Variants in XKR9 observed in about 807,000 individuals in gnomAD.
XKR9 encodes the protein XK-related protein 9.
Under a neutral mutation model 32.0 loss-of-function variants are expected in XKR9, and 32 were observed. That is an observed-to-expected ratio of 1.00 (90% CI 0.76 to 1.34). The LOEUF (loss-of-function observed/expected upper bound fraction) is 1.34, where lower values mean the gene tolerates loss of function less well. Among genes scored for constraint, XKR9 ranks in the 40% most tolerant of loss-of-function variants. The pLI is 0.00. For synonymous variants in XKR9, 168 were observed against 143.4 expected (o/e 1.17, Z -1.22); for missense variants, 546 against 429.7 (o/e 1.27, Z -2.39).
In XKR9 at chr8:70,734,452, T is replaced by G; in HGVS notation, c.*28T>G. 6.8e-7 allele frequency: 1 copy of G among 1,469,172 alleles called. No homozygotes were observed. Among genetic ancestry groups the G allele is most frequent in the Non-Finnish European group, 8.9e-7 (1 of 1,121,236 alleles). 91.0% of individuals were successfully genotyped at this position (1,469,172 alleles called of 1,614,324 possible). A position where few individuals can be genotyped will look rare whatever the true frequency, so the allele number is the denominator to read the frequency against. ...TATTCATTTATGATATATATTTTCTTATATTTTGTTTCATTGGTTAGTAAA... is the reference window on the plus strand; with the variant it reads ...TATTCATTTATGATATATATTTTCTGATATTTTGTTTCATTGGTTAGTAAA... On this transcript the variant is annotated 3_prime_UTR_variant, in exon 5 of 5. Coordinates refer to ENST00000408926, the MANE Select transcript of XKR9 (RefSeq NM_001011720.2).
At chr8:70,804,312 A>G in the XKR9 span, among the ~76,000 whole-genome samples, 2 of 152,274 alleles carry the variant, frequency 1.3e-5, no homozygotes, top group Non-Finnish European at 1.5e-5. Flanking sequence ...GAGTTCACAG[A>G]GAAGTAAGAC....
At chr8:70,751,701 T>A (rs1324648437) in intron 2 of XKR9, among the ~76,000 whole-genome samples, 1 of 152,140 alleles carries the variant, frequency 6.6e-6, no homozygotes, top group Admixed American at 6.5e-5. Context: ...ACACCAGAAC[T>A]TCAAGTTCTC....
At position 70,764,058 on chromosome 8, in the gene XKR9, G is replaced by A. The variant is rs546669347; in HGVS notation, n.353-25281G>A. 2.6e-5 allele frequency among the ~76,000 whole-genome samples: 4 copies of A among 152,330 alleles called. No homozygotes were observed. The East Asian group carries it at 7.7e-4, about 29-fold the overall frequency. ...TACTGCAGATAGTTTTGAGTCTATA[G>A]CCTTATTGATGAGCTCTCCTTGCTT... On this transcript the variant is annotated intron_variant and non_coding_transcript_variant, in intron 2 of 3. Coordinates refer to the XKR9 transcript ENST00000520273.
Position 70,733,837 on chromosome 8 carries a change from A to G in XKR9, c.535A>G (p.Thr179Ala). ...CTCTTGCTGTGCTATTTCTTGGTCAACTGTTGATTATCAAGTAGCTTTAAG... is the reference window on the plus strand; with the variant it reads ...CTCTTGCTGTGCTATTTCTTGGTCAGCTGTTGATTATCAAGTAGCTTTAAG... The part of the protein sequence containing the change: ...MVSCCAISWS[T>A]VDYQVALRKS... Residue 179 changes from threonine (T) to alanine (A), a missense_variant, in exon 5 of 5, where the codon ACT (threonine) becomes GCT (alanine). By Grantham distance (58) the Thr-to-Ala change is moderately conservative. Coordinates refer to ENST00000408926, the MANE Select transcript of XKR9 (RefSeq NM_001011720.2). The G allele has an allele frequency of 6.3e-7, 1 of 1,598,350 alleles. No homozygotes were observed. The highest frequency in any genetic ancestry group is 8.5e-7 in the Non-Finnish European group (1 of 1,175,584).
chr8:70,677,172 G>T (rs1432180134), intron 2 of XKR9, among the ~76,000 whole-genome samples: 2 of 151,476 alleles, frequency 1.3e-5, no homozygotes, highest in Admixed American at 6.6e-5. Flanking sequence ...TTGTGACAGG[G>T]TCTCACTTTG....
chr8:70,825,201 AT>A, the XKR9 span, among the ~76,000 whole-genome samples: 6 of 152,022 alleles, frequency 3.9e-5, no homozygotes, highest in African/African-American at 1.4e-4. Context: ...CCCTGCCTCT[AT>A]CCCCCTGCAC....
At chr8:71,005,078 A>AC in the XKR9 span, among the ~76,000 whole-genome samples, 1 of 117,654 alleles carries the variant, frequency 8.5e-6, no homozygotes, top group Non-Finnish European at 1.6e-5. Context: ...CTGGCTTCCC[A>AC]CCTTGGCCGC....
the XKR9 span, among the ~76,000 whole-genome samples, chr8:70,822,037 T>G: frequency 6.6e-6 from 1 of 152,228 alleles, no homozygotes; most frequent in African/African-American, 2.4e-5. Context: ...AACTTTTATG[T>G]GCTGCTTCTC....
intron 2 of XKR9, among the ~76,000 whole-genome samples, chr8:70,744,670 A>T (rs1807033276): frequency 6.6e-6 from 1 of 152,196 alleles, no homozygotes; most frequent in Admixed American, 6.5e-5. Context: ...CAGTGGTGCG[A>T]TCGTGGCTCA....
chr8:70,846,731 A>T, the XKR9 span, among the ~76,000 whole-genome samples: 9 of 152,196 alleles, frequency 5.9e-5, no homozygotes, highest in East Asian at 1.5e-3. Context: ...AGAAATGGCT[A>T]TACTTATCAC....
the XKR9 span, among the ~76,000 whole-genome samples, chr8:70,850,379 G>A: frequency 1.3e-5 from 2 of 149,962 alleles, no homozygotes; most frequent in Non-Finnish European, 3.0e-5. Flanking sequence ...CAGGAGAATG[G>A]CGTGAACCCA....
At chr8:70,815,087 G>C in the XKR9 span, among the ~76,000 whole-genome samples, 15 of 152,314 alleles carry the variant, frequency 9.8e-5, no homozygotes, top group East Asian at 2.9e-3. Context: ...CGAAATTGTA[G>C]ATGACACAAA....
chr8:70,794,493 A>T (rs966295199), downstream of XKR9, among the ~76,000 whole-genome samples: 4 of 152,058 alleles, frequency 2.6e-5, no homozygotes, highest in Non-Finnish European at 5.9e-5. Context: ...TAGGTTTTTC[A>T]TATGACCTTT....
At chr8:71,011,485 T>G in the XKR9 span, among the ~76,000 whole-genome samples, 21 of 152,334 alleles carry the variant, frequency 1.4e-4, no homozygotes, top group South Asian at 4.4e-3. Context: ...TCAGATTGTA[T>G]TTTTGAGACT....
the XKR9 span, among the ~76,000 whole-genome samples, chr8:71,046,534 G>C: frequency 6.6e-6 from 1 of 152,156 alleles, no homozygotes; most frequent in East Asian, 1.9e-4. Flanking sequence ...AGGTATCATT[G>C]TGCCTGTCTG....
chr8:70,877,062 C>A, the XKR9 span, among the ~76,000 whole-genome samples: 5 of 152,170 alleles, frequency 3.3e-5, no homozygotes, highest in Admixed American at 6.5e-5. Flanking sequence ...CTCAGTTCTG[C>A]ATGGCTGGGG....
chr8:70,703,082 C>T (rs1467422286), intron 3 of XKR9, among the ~76,000 whole-genome samples: 2 of 151,622 alleles, frequency 1.3e-5, no homozygotes, highest in Non-Finnish European at 2.9e-5. Flanking sequence ...ATTTATTTTG[C>T]TTGGGTTCAT....
the XKR9 span, among the ~76,000 whole-genome samples, chr8:70,919,288 G>A: frequency 4.6e-5 from 7 of 152,210 alleles, no homozygotes; most frequent in African/African-American, 1.4e-4. Context: ...GAGCTGATAT[G>A]TGAAAACATG....
chr8:70,675,521 A>G (rs1818855448), intron 2 of XKR9, among the ~76,000 whole-genome samples: 1 of 152,212 alleles, frequency 6.6e-6, no homozygotes, highest in African/African-American at 2.4e-5. Context: ...CTGTTTAAAT[A>G]TAAATTCAAA....
Sources: allele counts gnomAD v4.1 joint callset (sites outside exome capture counted in the v4.1 genomes callset), GRCh38; gene constraint gnomAD v4.1.1; transcripts MANE v1.5; gene names NCBI Gene and HGNC (gene_info 2026-07-23, HGNC 2026-07-21).